Variants in PLA2R1 observed in about 807,000 individuals in gnomAD.
PLA2R1 encodes phospholipase A2 receptor 1, also known as secretory phospholipase A2 receptor.
Under a neutral mutation model 195.9 loss-of-function variants are expected in PLA2R1, and 158 were observed. That is an observed-to-expected ratio of 0.81 (90% confidence interval 0.71 to 0.92). The LOEUF (loss-of-function observed/expected upper bound fraction) is 0.92. PLA2R1 is among the 40% of genes least tolerant of loss of function. The pLI, the probability that PLA2R1 is intolerant of heterozygous loss-of-function variation, is 0.00. For missense variants in PLA2R1, 1,626 were observed against 1,764.6 expected, an observed-to-expected ratio of 0.92 and a Z score of 1.41; for synonymous variants, 586 against 598.2, an observed-to-expected ratio of 0.98 and a Z score of 0.30.
At chr2:159,988,875 T>C (rs540956175) in intron 11 of PLA2R1, among the ~76,000 whole-genome samples, 1 of 152,188 alleles carries the variant, frequency 6.6e-6, no homozygotes, top group East Asian at 1.9e-4. Flanking sequence ...AAGGAAGACA[T>C]AGAGCATCTC....
chr2:159,945,199 TA>T (rs768549890), intron 27 of PLA2R1, 117 bp from the exon 28 acceptor site: 14 of 428,220 alleles, frequency 3.3e-5, no homozygotes, highest in Non-Finnish European at 4.4e-5. Flanking sequence ...TTTTTATTTT[TA>T]TTTTTTTATT....
chr2:160,016,511 A>C, intron 9 of PLA2R1, 103 bp downstream of exon 9: 1 of 629,896 alleles, frequency 1.6e-6, no homozygotes, highest in Admixed American at 2.4e-5. Flanking sequence ...GAAAGAGAGG[A>C]GAGAGAGAGA....
intron 10 of PLA2R1, among the ~76,000 whole-genome samples, chr2:160,008,160 G>C (rs1458844244): frequency 6.6e-6 from 1 of 152,156 alleles, no homozygotes; most frequent in African/African-American, 2.4e-5. Flanking sequence ...AACATTTGCT[G>C]TGGGTGGTGG....
intron 1 of PLA2R1, among the ~76,000 whole-genome samples, chr2:160,058,202 T>C (rs968453784): frequency 6.6e-6 from 1 of 152,094 alleles, no homozygotes; most frequent in Non-Finnish European, 1.5e-5. Flanking sequence ...AAAGCACATA[T>C]TGCCTGACAG....
chr2:160,046,065 C>A (rs777282635), intron 1 of PLA2R1, among the ~76,000 whole-genome samples: 2 of 152,238 alleles, frequency 1.3e-5, no homozygotes, highest in Non-Finnish European at 2.9e-5. Flanking sequence ...AGTTGCGGGC[C>A]TGGAAGGCAC....
At position 160,033,870 on chromosome 2, in the gene PLA2R1, G is replaced by A. The variant is rs150535906; in HGVS notation, c.668-738C>T. On this transcript the variant is annotated intron_variant, in intron 3 of 29. Transcript: ENST00000283243. ...GAACTAAGTAGCCACAATAATGACCGGAAACCAAACTCAGACAGAGAATGT... is the reference window on the plus strand; with the variant it reads ...GAACTAAGTAGCCACAATAATGACCAGAAACCAAACTCAGACAGAGAATGT... Among the ~76,000 whole-genome samples the A allele has an allele frequency of 2.1e-3, 325 of 152,202 alleles. 2 individuals carry two copies. In the Middle Eastern group the frequency reaches 0.054, roughly 25 times the overall value.
rs1326963039 is a variant in PLA2R1 at position 159,937,960 on chromosome 2, A to ATTTCTT, written c.*3812_*3817dup. 2.6e-5 allele frequency: 4 copies of ATTTCTT among 152,174 alleles called. No homozygotes were observed. Among genetic ancestry groups the ATTTCTT allele is most frequent in the African/African-American group, 9.7e-5 (4 of 41,442 alleles). 9.4% of individuals were successfully genotyped at this position (152,174 alleles called of 1,614,324 possible). On this transcript the variant is annotated 3_prime_UTR_variant, in exon 30 of 30. Transcript: ENST00000283243. ...CATAGTAAGATCTGAAATGAAAGCC[A>ATTTCTT]TTTCTTTTTCTTTTTCTTTTTAAAG... is the stretch of plus-strand genomic sequence containing the variant.
rs752194022 is a variant in PLA2R1, at chr2:160,020,213, A to T, written c.1345T>A (p.Ser449Thr). Residue 449 changes from serine (S) to threonine (T), a missense_variant, in exon 8 of 30, where the codon TCC becomes ACC. By Grantham distance (58) the Ser-to-Thr change is moderately conservative. Coordinates refer to ENST00000283243, the MANE Select transcript of PLA2R1 (RefSeq NM_007366.5). Reference protein sequence around the residue: ...IGLSSNKIPVSFEWSNDSSVI... With the variant: ...IGLSSNKIPVTFEWSNDSSVI... Reference sequence around the variant, plus strand: ...GAAGAGTCATTAGACCATTCAAAGGAAACTGGAATTTTATTGCTGCTCAAA... The same window carrying T: ...GAAGAGTCATTAGACCATTCAAAGGTAACTGGAATTTTATTGCTGCTCAAA... 6.2e-7 allele frequency: 1 copy of T among 1,611,758 alleles called. No individual in the cohort carries two copies. The highest frequency in any genetic ancestry group is 2.2e-5 in the East Asian group (1 of 44,878).
chr2:160,038,196 G>A (rs1294738507), intron 3 of PLA2R1, among the ~76,000 whole-genome samples: 1 of 152,160 alleles, frequency 6.6e-6, no homozygotes, highest in Non-Finnish European at 1.5e-5. Context: ...CAGAAATAGG[G>A]ATGAAAGAAT....
At chr2:159,930,135 G>A (rs559497869), downstream of PLA2R1, among the ~76,000 whole-genome samples, 17 of 152,252 alleles carry the variant, frequency 1.1e-4, no homozygotes, top group South Asian at 2.1e-4. Context: ...GTGGCCAGGC[G>A]CGGTGGCTCA....
intron 1 of PLA2R1, among the ~76,000 whole-genome samples, chr2:160,045,518 G>A (rs919817025): frequency 6.6e-6 from 1 of 152,132 alleles, no homozygotes; most frequent in Non-Finnish European, 1.5e-5. Flanking sequence ...TCCCGGGGAG[G>A]GACACTGGGT....
At chr2:160,059,818 A>T (rs1695830538) in intron 1 of PLA2R1, among the ~76,000 whole-genome samples, 1 of 152,184 alleles carries the variant, frequency 6.6e-6, no homozygotes, top group South Asian at 2.1e-4. Context: ...GCAAAAGCAG[A>T]AACCCTTAAT....
intron 16 of PLA2R1, 117 bp downstream of exon 16, chr2:159,976,568 C>T: frequency 1.4e-6 from 1 of 699,468 alleles, no homozygotes. Flanking sequence ...TCTAGGTTGA[C>T]ACAAGAAAAG....
chr2:159,993,924 T>C (rs948208583), intron 11 of PLA2R1, among the ~76,000 whole-genome samples: 1 of 152,122 alleles, frequency 6.6e-6, no homozygotes, highest in Non-Finnish European at 1.5e-5. Context: ...AAGCATTTGT[T>C]CTGTGTTTCC....
At position 159,936,843 on chromosome 2, in the gene PLA2R1, T is replaced by C. The variant is rs1686859345; in HGVS notation, c.*4935A>G. 6.6e-6 allele frequency: 1 copy of C among 152,260 alleles called. No individual in the cohort carries two copies. The highest frequency in any genetic ancestry group is 1.5e-5 in the Non-Finnish European group (1 of 68,052). The allele number at this position is 152,260 out of a possible 1,614,324, so 9.4% of individuals were successfully genotyped here. The stretch of plus-strand genomic sequence containing the variant: ...ACCATAGCAGGCTTCGCATGATCAA[T>C]AAATTAACTTCTGAGTTTTGTTTTT... On this transcript the variant is annotated 3_prime_UTR_variant, in exon 30 of 30. Transcript: ENST00000283243.
intron 8 of PLA2R1, 41 bp downstream of exon 8, chr2:160,020,065 A>G: frequency 6.5e-7 from 1 of 1,535,260 alleles, no homozygotes; most frequent in Non-Finnish European, 8.9e-7. Context: ...CCTTCAGTAC[A>G]AGACCAGCAA....
intron 23 of PLA2R1, among the ~76,000 whole-genome samples, chr2:159,954,635 G>A (rs1452301817): frequency 1.3e-5 from 2 of 151,990 alleles, no homozygotes; most frequent in African/African-American, 2.4e-5. Context: ...AAAAGCATGA[G>A]CTGTTGTTGT....
At chr2:160,047,026 T>C (rs2105631781) in intron 1 of PLA2R1, among the ~76,000 whole-genome samples, 1 of 152,364 alleles carries the variant, frequency 6.6e-6, no homozygotes, top group Non-Finnish European at 1.5e-5. Flanking sequence ...ATAATGGTTT[T>C]GTAGTTCAGC....
chr2:159,955,441 A>G, intron 22 of PLA2R1, 95 bp from the exon 23 acceptor site: 1 of 764,766 alleles, frequency 1.3e-6, no homozygotes, highest in South Asian at 2.0e-5. Context: ...AAATTAAGAC[A>G]CCATTATTCC....
Sources: gnomAD v4.1 joint callset for allele counts (sites outside exome capture counted in the v4.1 genomes callset) on GRCh38, gnomAD v4.1.1 for gene constraint, MANE v1.5 for transcripts, NCBI Gene and HGNC (gene_info 2026-07-23, HGNC 2026-07-21) for gene names.